Variants in TDRD9 observed in about 807,000 individuals in gnomAD.
TDRD9 encodes ATP-dependent RNA helicase TDRD9.
In TDRD9, 124 loss-of-function variants were observed where a neutral mutation model predicts 172.6. That is an observed-to-expected ratio of 0.72 (90% CI 0.62 to 0.83). The LOEUF is 0.83. Ranked by LOEUF, TDRD9 falls within the 40% of genes least tolerant of loss-of-function variation. The pLI is 0.00. For synonymous variants in TDRD9, 619 were observed against 617.1 expected (o/e 1.00, Z -0.05); for missense variants, 1,479 against 1,714.1 (o/e 0.86, Z 2.42).
intron 32 of TDRD9, among the ~76,000 whole-genome samples, chr14:104,036,384 CTG>C (rs1295034643): frequency 6.6e-6 from 1 of 152,174 alleles, no homozygotes; most frequent in African/African-American, 2.4e-5. Context: ...GTAAATCCCT[CTG>C]TAAGTTCAGG....
intron 20 of TDRD9, among the ~76,000 whole-genome samples, chr14:104,013,352 A>G (rs942753255): frequency 2.0e-5 from 3 of 152,152 alleles, no homozygotes; most frequent in African/African-American, 4.8e-5. Context: ...CGGAGGGACT[A>G]TTTGGCCATA....
At chr14:104,003,841 G>C (rs1390274418) in intron 13 of TDRD9, among the ~76,000 whole-genome samples, 1 of 152,108 alleles carries the variant, frequency 6.6e-6, no homozygotes, top group African/African-American at 2.4e-5. Context: ...CTCCTCGATG[G>C]CATTGTAGGG....
Position 103,966,800 on chromosome 14 carries a change from T to C in TDRD9, c.734T>C (p.Leu245Ser). ...CAGAAAATAGTTAGTGCCAAGAGTT[T>C]GATGGAATTCACACATATCATCATT... is the stretch of plus-strand genomic sequence containing the variant. ...LLQKIVSAKSLMEFTHIIIDE... is the reference protein window; with the variant it reads ...LLQKIVSAKSSMEFTHIIIDE... The change falls in exon 5 of 36, where the codon TTG becomes TCG. Residue 245 changes from leucine to serine, a missense_variant. Transcript: ENST00000409874. 6.4e-7 allele frequency: 1 copy of C among 1,551,222 alleles called. No homozygotes were observed. Among genetic ancestry groups the C allele is most frequent in the Non-Finnish European group, 8.7e-7 (1 of 1,146,784 alleles).
chr14:104,025,202 G>A (rs187604879), intron 25 of TDRD9, among the ~76,000 whole-genome samples: 23 of 152,216 alleles, frequency 1.5e-4, no homozygotes, highest in African/African-American at 4.8e-4. Flanking sequence ...GGCTGGTCTC[G>A]AACTCCTAAT....
intron 20 of TDRD9, among the ~76,000 whole-genome samples, chr14:104,013,373 T>C (rs1257540270): frequency 6.6e-6 from 1 of 152,212 alleles, no homozygotes; most frequent in African/African-American, 2.4e-5. Flanking sequence ...GGTCACTTAC[T>C]TTGTTTTTAA....
chr14:104,019,739 C>T (rs2034896846), intron 23 of TDRD9, among the ~76,000 whole-genome samples: 1 of 152,190 alleles, frequency 6.6e-6, no homozygotes, highest in African/African-American at 2.4e-5. Flanking sequence ...GGTACCTGGG[C>T]ATATCATGTT....
At chr14:104,021,090 G>C (rs773698835) in intron 23 of TDRD9, among the ~76,000 whole-genome samples, 2 of 152,196 alleles carry the variant, frequency 1.3e-5, no homozygotes, top group African/African-American at 2.4e-5. Flanking sequence ...TGTATAGGCT[G>C]CTGCTTCTGG....
chr14:104,024,729 C>T (rs770446019), intron 25 of TDRD9, 49 bp downstream of exon 25: 2 of 967,202 alleles, frequency 2.1e-6, no homozygotes, highest in South Asian at 2.7e-5. Flanking sequence ...CTAAAATCAT[C>T]ATGTTGTATA....
intron 6 of TDRD9, 112 bp from the exon 7 acceptor site, chr14:103,975,277 C>T: frequency 1.0e-6 from 1 of 1,001,634 alleles, no homozygotes; most frequent in Non-Finnish European, 1.4e-6. Flanking sequence ...TGTTTAAAGT[C>T]TCAAAAGTTG....
At position 104,042,170 on chromosome 14, in the gene TDRD9, C is replaced by T. The variant is rs764598109; in HGVS notation, c.3957C>T (p.Ala1319=). 2.0e-5 allele frequency: 32 copies of T among 1,611,760 alleles called. No individual in the cohort carries two copies. In the East Asian group the frequency reaches 6.7e-4, roughly 34 times the overall value. ...GAGTTGCGCAGCTTCAAGACATTGC[C>T]CGTCAGAAGCTTTTAGGGTAAGCTG... is the stretch of plus-strand genomic sequence containing the variant. ...PERVAQLQDI[A]RQKLLGLFCQ... Residue 1319 remains alanine (A), a synonymous_variant, in exon 34 of 36, where the codon GCC becomes GCT. Transcript: ENST00000409874.
At chr14:104,041,996 A>G (rs1246682237) in intron 33 of TDRD9, 73 bp from the exon 34 acceptor site, 16 of 1,013,728 alleles carry the variant, frequency 1.6e-5, no homozygotes, top group Middle Eastern at 2.1e-4. Flanking sequence ...TCTGAATGCT[A>G]TGAATTCTCT....
At chr14:103,941,582 T>A (rs1295085360) in intron 1 of TDRD9, 1 of 1,535,354 alleles carries the variant, frequency 6.5e-7, no homozygotes. Flanking sequence ...CTCGCTCCTT[T>A]AGGTGCCATT....
chr14:103,976,996 A>T (rs575451683), intron 7 of TDRD9, among the ~76,000 whole-genome samples: 1 of 152,158 alleles, frequency 6.6e-6, no homozygotes, highest in African/African-American at 2.4e-5. Flanking sequence ...TGCTGGGATT[A>T]CATGTGTGAA....
intron 9 of TDRD9, among the ~76,000 whole-genome samples, chr14:103,991,453 G>GC (rs1261647896): frequency 6.7e-6 from 1 of 149,886 alleles, no homozygotes; most frequent in Non-Finnish European, 1.5e-5. Context: ...TTGCTCTGTT[G>GC]CTAGGCTGGA....
chr14:104,014,622 C>T, intron 20 of TDRD9, 103 bp from the exon 21 acceptor site: 1 of 628,702 alleles, frequency 1.6e-6, no homozygotes, highest in South Asian at 1.9e-5. Flanking sequence ...CATTCTGTAG[C>T]TGTGTTTATA....
intron 20 of TDRD9, chr14:104,013,753 G>C (rs540088438): frequency 6.6e-6 from 1 of 151,964 alleles, no homozygotes; most frequent in Non-Finnish European, 1.5e-5. Context: ...ATTGGGTGTT[G>C]CATTAAACGC....
chr14:104,026,648 C>A, intron 27 of TDRD9, 31 bp from the exon 28 acceptor site: 1 of 1,605,976 alleles, frequency 6.2e-7, no homozygotes. Flanking sequence ...ATTTATAAAG[C>A]TGTTTGAGCT....
intron 1 of TDRD9, among the ~76,000 whole-genome samples, chr14:103,937,685 G>A (rs547783666): frequency 8.1e-4 from 123 of 152,218 alleles, no homozygotes; most frequent in Middle Eastern, 3.4e-3. Flanking sequence ...GTACATGGGT[G>A]GTGCTGTCAT....
intron 30 of TDRD9, among the ~76,000 whole-genome samples, chr14:104,033,595 A>C (rs988896540): frequency 1.3e-5 from 2 of 152,166 alleles, no homozygotes; most frequent in African/African-American, 4.8e-5. Context: ...GACCACACTC[A>C]GTTCCCTCTG....
Sources: allele counts gnomAD v4.1 joint callset (sites outside exome capture counted in the v4.1 genomes callset), GRCh38; gene constraint gnomAD v4.1.1; transcripts MANE v1.5; gene names NCBI Gene and HGNC (gene_info 2026-07-23, HGNC 2026-07-21).